The following PIWIL1 variants were observed in gnomAD, a reference collection of about 807,000 sequenced individuals.
PIWIL1 encodes the protein piwi like RNA-mediated gene silencing 1.
PIWIL1 carries 73 observed loss-of-function variants against 114.4 expected under a neutral mutation model. The observed-to-expected ratio is 0.64, with a 90% CI of 0.53 to 0.78. The LOEUF (loss-of-function observed/expected upper bound fraction) is 0.78, where lower values mean the gene tolerates loss of function less well. Among genes scored for constraint, PIWIL1 ranks in the 30% least tolerant of loss-of-function variants. The pLI is 0.00. For synonymous variants in PIWIL1, 375 were observed against 369.0 expected, an observed-to-expected ratio of 1.02 and a Z score of -0.19; for missense variants, 723 against 1,063.1, an observed-to-expected ratio of 0.68 and a Z score of 4.45.
the PIWIL1 span, chr12:130,399,547 G>A: frequency 2.0e-6 from 2 of 1,016,198 alleles, no homozygotes; most frequent in Non-Finnish European, 2.9e-6. Flanking sequence ...ATGGCTTCAG[G>A]GCAGAGAAAA....
the PIWIL1 span, chr12:130,424,241 T>C: frequency 1.6e-6 from 2 of 1,231,966 alleles, no homozygotes; most frequent in Non-Finnish European, 2.0e-6. The surrounding 1 kb of genome is among the most constrained non-coding windows in gnomAD (Gnocchi z 9.8). Flanking sequence ...CCCGAAAATC[T>C]TGGTGCTCGG....
intron 5 of PIWIL1, 56 bp downstream of exon 5, chr12:130,346,640 T>C (rs2073076049): frequency 7.2e-7 from 1 of 1,397,388 alleles, no homozygotes; most frequent in Non-Finnish European, 1.0e-6. Flanking sequence ...ACTACCACAA[T>C]GTAAGATAGC....
chr12:130,406,540 T>C, the PIWIL1 span, among the ~76,000 whole-genome samples: 3 of 152,238 alleles, frequency 2.0e-5, no homozygotes, highest in Admixed American at 6.5e-5. Context: ...AGTGAAATGG[T>C]TAATTGTAAA....
rs947748280 is a variant in PIWIL1, at chr12:130,370,293, G to A, written c.2322-883G>A. 7.9e-5 allele frequency among the ~76,000 whole-genome samples: 12 copies of A among 151,268 alleles called. 2 individuals are homozygous for A. Among genetic ancestry groups the A allele is most frequent in the Middle Eastern group, 3.5e-3 (1 of 284 alleles). ...ATTCCTTCATATTTGTACTACAGGC[G>A]GCTCTCTTTATCTGTAGGTCCTGCA... On this transcript the variant is annotated intron_variant, in intron 19 of 20. Transcript: ENST00000245255.
chr12:130,374,999 C>G (rs886602522), downstream of PIWIL1, among the ~76,000 whole-genome samples: 14 of 152,152 alleles, frequency 9.2e-5, no homozygotes, highest in African/African-American at 3.4e-4. Context: ...AGGTGTCCCT[C>G]TTGCTCCTCA....
At chr12:130,342,546 T>C (rs1044952541) in intron 1 of PIWIL1, 34 bp from the exon 2 acceptor site, 4 of 1,243,182 alleles carry the variant, frequency 3.2e-6, no homozygotes, top group East Asian at 2.3e-5. Context: ...ATTGCCTCCA[T>C]TGAGTATTGT....
chr12:130,338,308 C>T, intron 1 of PIWIL1, 162 bp downstream of exon 1: 1 of 178,064 alleles, frequency 5.6e-6, no homozygotes, highest in Non-Finnish European at 1.1e-5. Context: ...GGTCGAGGTC[C>T]CAGGTGCGGG....
the PIWIL1 span, among the ~76,000 whole-genome samples, chr12:130,402,089 C>T: frequency 6.6e-6 from 1 of 152,226 alleles, no homozygotes; most frequent in Non-Finnish European, 1.5e-5. Context: ...AAATCCACGT[C>T]AGAACGCACA....
the PIWIL1 span, chr12:130,424,314 T>C: frequency 2.4e-6 from 3 of 1,231,378 alleles, no homozygotes; most frequent in Non-Finnish European, 3.0e-6. This position sits in a 1 kb window ranked among gnomAD's most constrained non-coding sequence, Gnocchi z 9.8. Context: ...GGGGTCGTCG[T>C]TCCTGAGGAG....
chr12:130,414,085 C>A, the PIWIL1 span: 1 of 1,606,286 alleles, frequency 6.2e-7, no homozygotes, highest in African/African-American at 1.3e-5. Context: ...AGACCCGCCT[C>A]AGGGGCTGAT....
At chr12:130,359,630 T>C (rs1450839097) in intron 14 of PIWIL1, among the ~76,000 whole-genome samples, 1 of 152,230 alleles carries the variant, frequency 6.6e-6, no homozygotes, top group East Asian at 1.9e-4. Flanking sequence ...TCCTTATTTT[T>C]AGCAGAGTTG....
chr12:130,377,774 T>C, the PIWIL1 span, among the ~76,000 whole-genome samples: 34 of 152,218 alleles, frequency 2.2e-4, no homozygotes, highest in African/African-American at 7.7e-4. Flanking sequence ...CTGAGGTACC[T>C]TAGCACAAGC....
the PIWIL1 span, chr12:130,398,594 A>G: frequency 4.6e-5 from 7 of 152,608 alleles, no homozygotes; most frequent in Admixed American, 3.9e-4. Context: ...GGAGGAGCAT[A>G]GCTCTCTCGT....
intron 1 of PIWIL1, 52 bp downstream of exon 1, chr12:130,338,198 G>A: frequency 3.1e-6 from 1 of 321,842 alleles, no homozygotes; most frequent in South Asian, 2.3e-5. Flanking sequence ...ATGCGGGGGC[G>A]GCGGCTGGGG....
chr12:130,397,893 C>T, the PIWIL1 span: 1,107 of 177,782 alleles, frequency 6.2e-3, 33 homozygotes, highest in Admixed American at 0.058. Flanking sequence ...TGGCCGAGTA[C>T]CCATCAGTAG....
the PIWIL1 span, among the ~76,000 whole-genome samples, chr12:130,403,293 T>C: frequency 6.6e-6 from 1 of 152,194 alleles, no homozygotes; most frequent in Non-Finnish European, 1.5e-5. Flanking sequence ...TAAAACCATT[T>C]GGAGGAGTGG....
intron 18 of PIWIL1, among the ~76,000 whole-genome samples, 174 bp from the exon 19 acceptor site, chr12:130,366,959 G>A (rs2073676632): frequency 1.3e-5 from 2 of 152,132 alleles, no homozygotes; most frequent in South Asian, 2.1e-4. Context: ...CCGTTTATCC[G>A]TGGTCTTTAC....
the PIWIL1 span, among the ~76,000 whole-genome samples, chr12:130,417,796 A>G: frequency 3.9e-5 from 6 of 152,274 alleles, no homozygotes; most frequent in Non-Finnish European, 8.8e-5. Context: ...ATGCATATAT[A>G]TACATGTGGA....
chr12:130,372,597 CAAAAAAAAAAAAAAAAA>C (rs60262232), exon 21 of PIWIL1: 1 of 67,880 alleles, frequency 1.5e-5, no homozygotes, highest in East Asian at 5.5e-4. Flanking sequence ...GACTCCGTCT[CAAAAAAAAAAAAAAAAA>C]AAAAAAAAAA....
Sources: allele counts gnomAD v4.1 joint callset (sites outside exome capture counted in the v4.1 genomes callset), GRCh38; gene constraint gnomAD v4.1.1; non-coding constraint Gnocchi (gnomAD v3.1); transcripts MANE v1.5; gene names NCBI Gene and HGNC (gene_info 2026-07-23, HGNC 2026-07-21).